Variants in INTS8 observed in about 807,000 individuals in gnomAD.
The protein encoded by INTS8 is protein kaonashi-1.
In INTS8, 47 loss-of-function variants were observed where a neutral mutation model predicts 138.9. The observed-to-expected ratio is 0.34, with a 90% CI of 0.27 to 0.43. INTS8 has a LOEUF of 0.43. Among genes scored for constraint, INTS8 ranks in the 20% least tolerant of loss-of-function variants. The probability of loss-of-function intolerance (pLI) is 1.00; values close to 1 mark genes in which losing one functional copy is unlikely to be tolerated. For missense variants in INTS8, 996 were observed against 1,173.0 expected, an observed-to-expected ratio of 0.85 and a Z score of 2.20; for synonymous variants, 392 against 400.9, an observed-to-expected ratio of 0.98 and a Z score of 0.27.
chr8:94,861,209 G>A (rs1815958334), intron 16 of INTS8, among the ~76,000 whole-genome samples: 1 of 148,610 alleles, frequency 6.7e-6, no homozygotes, highest in Non-Finnish European at 1.5e-5. Context: ...ACCCTTTCAG[G>A]ATTTATTGAG....
intron 23 of INTS8, 132 bp downstream of exon 23, chr8:94,874,734 A>T: frequency 1.9e-6 from 1 of 532,870 alleles, no homozygotes; most frequent in Non-Finnish European, 3.3e-6. Flanking sequence ...AGAGTTTGGC[A>T]TATTCTTTAA....
intron 6 of INTS8, among the ~76,000 whole-genome samples, chr8:94,836,207 C>G (rs1201643010): frequency 6.6e-6 from 1 of 152,166 alleles, no homozygotes; most frequent in Admixed American, 6.5e-5. Context: ...TGTTGAGATT[C>G]TTCACCAGAC....
intron 10 of INTS8, among the ~76,000 whole-genome samples, chr8:94,845,102 A>T (rs1241262909): frequency 6.6e-6 from 1 of 152,146 alleles, no homozygotes; most frequent in African/African-American, 2.4e-5. Flanking sequence ...TATCAAATTT[A>T]CCGATTTTTT....
rs1452200227 is a variant in INTS8, at chr8:94,865,580, T to C, written c.2151T>C (p.Leu717=). Residue 717 remains leucine, a synonymous_variant, in exon 17 of 27, where the codon CTT becomes CTC. Transcript: ENST00000523731. ...AAAGTAGACGGACTGCCAAAGACCT[T>C]TGGGAAGTTGTTGTTCAAATCTGTA... ...PKESRRTAKD[L]WEVVVQICSV... is the part of the protein sequence containing the mutation. 4 of 1,613,986 alleles carry C rather than the reference T, an allele frequency of 2.5e-6. No individual in the cohort carries two copies. The highest frequency in any genetic ancestry group is 3.4e-6 in the Non-Finnish European group (4 of 1,179,958).
At chr8:94,853,697 C>T (rs1815636367) in intron 13 of INTS8, 108 bp from the exon 14 acceptor site, 1 of 621,000 alleles carries the variant, frequency 1.6e-6, no homozygotes, top group Admixed American at 2.6e-5. Flanking sequence ...TAAGAGACGA[C>T]CCGTGAGTTA....
chr8:94,826,367 C>T (rs1435739032), intron 2 of INTS8, among the ~76,000 whole-genome samples: 2 of 152,100 alleles, frequency 1.3e-5, no homozygotes, highest in South Asian at 2.1e-4. Context: ...CTGCAAGCTC[C>T]GCCTCCTGGG....
Position 94,829,041 on chromosome 8 carries a change from C to G in INTS8, c.570+15C>G. 6.4e-7 allele frequency: 1 copy of G among 1,571,692 alleles called. No individual in the cohort carries two copies. The highest frequency in any genetic ancestry group is 8.7e-7 in the Non-Finnish European group (1 of 1,147,850). ...TTTTGAAAGTGGTAAGTATTGGCATCAGTTACACAGTAACACTTCAGGAAC... is the reference window on the plus strand; with the variant it reads ...TTTTGAAAGTGGTAAGTATTGGCATGAGTTACACAGTAACACTTCAGGAAC... On this transcript the variant is annotated intron_variant, in intron 5 of 26. Coordinates refer to ENST00000523731, the MANE Select transcript of INTS8 (RefSeq NM_017864.4).
rs1459032499 is a variant in INTS8 at position 94,850,075 on chromosome 8, A to G, written c.1491A>G (p.Ser497=). The change falls in exon 12 of 27, where the codon TCA becomes TCG. Residue 497 remains serine, a synonymous_variant. Coordinates refer to ENST00000523731, the MANE Select transcript of INTS8 (RefSeq NM_017864.4). ...RVNLCIKPVT[S]FYDIPASASV... is the part of the protein sequence containing the mutation. ...ATCTGTGCATTAAACCTGTAACTTC[A>G]TTTTATGATATCCCAGGTTAGCTCT... is the stretch of plus-strand genomic sequence containing the variant. The G allele has an allele frequency of 1.3e-6, 2 of 1,599,326 alleles. No homozygotes were observed. Among genetic ancestry groups the G allele is most frequent in the Admixed American group, 1.7e-5 (1 of 57,988 alleles).
intron 8 of INTS8, among the ~76,000 whole-genome samples, chr8:94,839,264 G>A (rs970615790): frequency 6.6e-6 from 1 of 152,104 alleles, no homozygotes; most frequent in Non-Finnish European, 1.5e-5. Flanking sequence ...TATTGTGCGC[G>A]CCCCACCCTC....
intron 6 of INTS8, among the ~76,000 whole-genome samples, chr8:94,834,644 A>G (rs981558836): frequency 3.3e-5 from 5 of 151,386 alleles, no homozygotes; most frequent in African/African-American, 4.9e-5. Context: ...AGGAGATTGC[A>G]GTGAGCCGAG....
chr8:94,874,109 A>G (rs373810741), intron 22 of INTS8, among the ~76,000 whole-genome samples: 5 of 152,198 alleles, frequency 3.3e-5, no homozygotes, highest in African/African-American at 9.6e-5. Context: ...TTTAGTATAC[A>G]TTATGGTATA....
intron 8 of INTS8, among the ~76,000 whole-genome samples, chr8:94,840,722 T>G (rs1815103900): frequency 6.6e-6 from 1 of 151,880 alleles, no homozygotes; most frequent in South Asian, 2.1e-4. Context: ...CGTGCCTGGC[T>G]AATTTTTGTA....
intron 14 of INTS8, among the ~76,000 whole-genome samples, chr8:94,854,195 T>TGG (rs1815659826): frequency 6.9e-6 from 1 of 144,424 alleles, no homozygotes; most frequent in Non-Finnish European, 1.5e-5. Context: ...GACAGAGTGA[T>TGG]AGTCCATCTC....
chr8:94,827,490 A>G (rs1166707899), intron 3 of INTS8, 87 bp downstream of exon 3: 1 of 1,441,194 alleles, frequency 6.9e-7, no homozygotes, highest in African/African-American at 1.4e-5. Flanking sequence ...TAATGGACCC[A>G]TTCTGCTGCA....
intron 10 of INTS8, among the ~76,000 whole-genome samples, chr8:94,847,683 C>G (rs1337275352): frequency 6.6e-6 from 1 of 151,856 alleles, no homozygotes; most frequent in Non-Finnish European, 1.5e-5. Context: ...CAGAGATGCC[C>G]ACTAGTTTGA....
chr8:94,857,018 A>G, intron 15 of INTS8, 40 bp downstream of exon 15: 1 of 1,443,416 alleles, frequency 6.9e-7, no homozygotes, highest in South Asian at 1.2e-5. Context: ...GAAACTCAGT[A>G]CTCACATAAT....
chr8:94,848,917 T>C (rs900815006), intron 10 of INTS8, among the ~76,000 whole-genome samples: 1 of 152,106 alleles, frequency 6.6e-6, no homozygotes, highest in African/African-American at 2.4e-5. Context: ...CAACATAATA[T>C]GAAAATATTA....
Position 94,845,285 on chromosome 8 carries a change from C to T in INTS8, c.1260+2797C>T, listed in dbSNP as rs1259851829. ...TGTGAAGCAGGAAGTGTGCCAGCACCATTTACTGAAAGGTTAATTTTTTTC... is the reference window on the plus strand; with the variant it reads ...TGTGAAGCAGGAAGTGTGCCAGCACTATTTACTGAAAGGTTAATTTTTTTC... On this transcript the variant is annotated intron_variant, in intron 10 of 26. Coordinates refer to ENST00000523731, the MANE Select transcript of INTS8 (RefSeq NM_017864.4). 7.2e-5 allele frequency among the ~76,000 whole-genome samples: 11 copies of T among 152,226 alleles called. No individual in the cohort carries two copies. The East Asian group carries it at 1.7e-3, about 24-fold the overall frequency.
chr8:94,859,731 C>A, intron 16 of INTS8, 99 bp downstream of exon 16: 2 of 928,006 alleles, frequency 2.2e-6, no homozygotes, highest in Non-Finnish European at 3.3e-6. Context: ...TTCTGTGATA[C>A]AAATGATTGG....
Sources: gnomAD v4.1 joint callset for allele counts (sites outside exome capture counted in the v4.1 genomes callset) on GRCh38, gnomAD v4.1.1 for gene constraint, MANE v1.5 for transcripts, NCBI Gene and HGNC (gene_info 2026-07-23, HGNC 2026-07-21) for gene names.